Variants in GALNTL6 observed in about 807,000 individuals in gnomAD.
GALNTL6 encodes the protein polypeptide N-acetylgalactosaminyltransferase like 6.
In GALNTL6, 46 loss-of-function variants were observed where a neutral mutation model predicts 73.7. The ratio of observed to expected loss-of-function variants is 0.62; its 90% CI spans 0.49 to 0.80. The LOEUF (loss-of-function observed/expected upper bound fraction) is 0.80. Ranked by LOEUF, GALNTL6 falls within the 30% of genes least tolerant of loss-of-function variation. GALNTL6 has a pLI of 0.00. For synonymous variants in GALNTL6, 259 were observed against 263.7 expected (o/e 0.98, Z 0.17); for missense variants, 604 against 755.0 (o/e 0.80, Z 2.34).
intron 4 of GALNTL6, among the ~76,000 whole-genome samples, chr4:172,320,185 T>C (rs187491566): frequency 8.9e-4 from 135 of 152,226 alleles, no homozygotes; most frequent in African/African-American, 3.1e-3. Flanking sequence ...GGGTATAGCA[T>C]GCTGAGAATA....
intron 3 of GALNTL6, among the ~76,000 whole-genome samples, chr4:172,258,699 C>T (rs1268267559): frequency 1.3e-5 from 2 of 151,228 alleles, no homozygotes; most frequent in Non-Finnish European, 3.0e-5. Flanking sequence ...GCACGCATCA[C>T]CTGACCAGTG....
At chr4:172,716,401 G>C (rs569714880) in intron 5 of GALNTL6, among the ~76,000 whole-genome samples, 1 of 152,236 alleles carries the variant, frequency 6.6e-6, no homozygotes, top group African/African-American at 2.4e-5. Flanking sequence ...TCAGCTGATA[G>C]GTTTTATAAT....
chr4:172,940,370 T>C (rs1268092569), intron 9 of GALNTL6, among the ~76,000 whole-genome samples: 1 of 143,860 alleles, frequency 7.0e-6, no homozygotes, highest in African/African-American at 2.6e-5. Flanking sequence ...AGTAATTTTC[T>C]TTTTTTTTTT....
chr4:172,781,686 A>G (rs1225293727), intron 5 of GALNTL6, among the ~76,000 whole-genome samples: 1 of 152,076 alleles, frequency 6.6e-6, no homozygotes, highest in Non-Finnish European at 1.5e-5. Context: ...AATATTTAGA[A>G]TTCTTGACTG....
At chr4:172,995,148 T>C (rs1332141448) in intron 10 of GALNTL6, among the ~76,000 whole-genome samples, 1 of 152,192 alleles carries the variant, frequency 6.6e-6, no homozygotes, top group East Asian at 1.9e-4. Flanking sequence ...AATTCATATA[T>C]GAATCCAACC....
chr4:172,305,166 G>C (rs1413030226), intron 3 of GALNTL6, among the ~76,000 whole-genome samples: 1 of 152,036 alleles, frequency 6.6e-6, no homozygotes, highest in Non-Finnish European at 1.5e-5. Context: ...ATTGGTAGGT[G>C]TGCCAATGTA....
At chr4:172,944,930 C>T (rs986558019) in intron 9 of GALNTL6, among the ~76,000 whole-genome samples, 19 of 151,702 alleles carry the variant, frequency 1.3e-4, no homozygotes, top group East Asian at 5.8e-4. Context: ...TGGTGGCATG[C>T]GCCTGTAATC....
At chr4:172,569,378 C>T (rs1736679783) in intron 5 of GALNTL6, among the ~76,000 whole-genome samples, 1 of 152,176 alleles carries the variant, frequency 6.6e-6, no homozygotes, top group African/African-American at 2.4e-5. Flanking sequence ...CACTGAAAGG[C>T]CCCATCTCCA....
At chr4:172,162,163 G>A (rs755485216) in intron 2 of GALNTL6, among the ~76,000 whole-genome samples, 8 of 151,864 alleles carry the variant, frequency 5.3e-5, no homozygotes, top group Non-Finnish European at 1.2e-4. Context: ...TGATCAGAGA[G>A]TGGTGTTAGA....
At chr4:172,368,254 G>T (rs1742642295) in intron 5 of GALNTL6, among the ~76,000 whole-genome samples, 1 of 152,032 alleles carries the variant, frequency 6.6e-6, no homozygotes, top group Non-Finnish European at 1.5e-5. Flanking sequence ...GGTGGTGTGT[G>T]CCTGTAATCC....
chr4:171,880,864 A>G (rs552678047), intron 2 of GALNTL6, among the ~76,000 whole-genome samples: 13 of 152,326 alleles, frequency 8.5e-5, no homozygotes, highest in African/African-American at 2.9e-4. Flanking sequence ...CAAAATTAGT[A>G]GCATTATTAC....
intron 3 of GALNTL6, among the ~76,000 whole-genome samples, chr4:172,306,024 C>T (rs1054835715): frequency 7.9e-5 from 12 of 151,976 alleles, no homozygotes; most frequent in Admixed American, 5.3e-4. Context: ...TAAAAATATG[C>T]GTACAAACAT....
At chr4:172,294,677 T>C (rs986847212) in intron 3 of GALNTL6, among the ~76,000 whole-genome samples, 30 of 152,318 alleles carry the variant, frequency 2.0e-4, no homozygotes, top group African/African-American at 5.8e-4. Context: ...GTAAAAACTT[T>C]GTAATTTTAT....
chr4:172,709,885 T>A (rs1368653043), intron 5 of GALNTL6, among the ~76,000 whole-genome samples: 2 of 151,540 alleles, frequency 1.3e-5, no homozygotes, highest in African/African-American at 4.9e-5. Flanking sequence ...GTAGATGAAA[T>A]TGACTAGAAA....
chr4:173,025,567 C>T (rs1014797967), intron 12 of GALNTL6, among the ~76,000 whole-genome samples: 24 of 152,206 alleles, frequency 1.6e-4, no homozygotes, highest in Admixed American at 1.6e-3. Context: ...TGCTTCCTGT[C>T]TTTCCCCTTC....
At chr4:172,671,979 A>G (rs999404876) in intron 5 of GALNTL6, among the ~76,000 whole-genome samples, 2 of 152,016 alleles carry the variant, frequency 1.3e-5, no homozygotes, top group African/African-American at 2.4e-5. Flanking sequence ...CAACCTCCGC[A>G]TCCCAGGTTC....
intron 2 of GALNTL6, among the ~76,000 whole-genome samples, chr4:171,859,815 G>A (rs903602706): frequency 2.6e-5 from 4 of 152,150 alleles, no homozygotes; most frequent in African/African-American, 9.7e-5. Context: ...TCAGACTGCA[G>A]CCCTGCCCTG....
At chr4:172,027,924 A>T (rs914729682) in intron 2 of GALNTL6, among the ~76,000 whole-genome samples, 7 of 152,264 alleles carry the variant, frequency 4.6e-5, no homozygotes, top group African/African-American at 1.7e-4. Context: ...GGTAGCAGAG[A>T]TTGGTTCATT....
At chr4:172,643,986 T>C (rs1740110447) in intron 5 of GALNTL6, among the ~76,000 whole-genome samples, 1 of 151,894 alleles carries the variant, frequency 6.6e-6, no homozygotes, top group Non-Finnish European at 1.5e-5. Flanking sequence ...CCCAAACTGG[T>C]TTTTCCAATT....
Sources: gnomAD v4.1 joint callset for allele counts (sites outside exome capture counted in the v4.1 genomes callset) on GRCh38, gnomAD v4.1.1 for gene constraint, MANE v1.5 for transcripts, NCBI Gene and HGNC (gene_info 2026-07-23, HGNC 2026-07-21) for gene names.